EYS: variants seen among roughly 807,000 people sequenced by gnomAD.
The protein encoded by EYS is EGF-like photoreceptor maintenance factor.
In EYS, 250 loss-of-function variants were observed where a neutral mutation model predicts 282.1. The observed-to-expected ratio is 0.89, with a 90% confidence interval of 0.80 to 0.98. The LOEUF (loss-of-function observed/expected upper bound fraction) is 0.98. EYS is among the 50% of genes least tolerant of loss of function. The probability of loss-of-function intolerance (pLI) is 0.00; values close to 1 mark genes in which losing one functional copy is unlikely to be tolerated. For synonymous variants in EYS, 1,355 were observed against 1,282.9 expected (o/e 1.06, Z -1.20); for missense variants, 4,016 against 3,709.0 (o/e 1.08, Z -2.15).
intron 41 of EYS, among the ~76,000 whole-genome samples, chr6:63,759,728 A>C (rs1247623174): frequency 6.6e-6 from 1 of 152,118 alleles, no homozygotes; most frequent in African/African-American, 2.4e-5. Flanking sequence ...GCTGTGTTCC[A>C]CATGGCCAAA....
intron 13 of EYS, among the ~76,000 whole-genome samples, chr6:65,041,252 G>A (rs192929968): frequency 1.3e-5 from 2 of 151,820 alleles, no homozygotes; most frequent in Admixed American, 6.6e-5. Flanking sequence ...TCCTCTGCAA[G>A]CCATAAGTCG....
At chr6:64,650,802 A>G (rs891580854) in intron 22 of EYS, among the ~76,000 whole-genome samples, 3 of 152,152 alleles carry the variant, frequency 2.0e-5, no homozygotes, top group African/African-American at 7.2e-5. Context: ...AACCTAGAGT[A>G]ACCTGATATT....
At chr6:65,356,630 A>T (rs1582180523) in intron 8 of EYS, among the ~76,000 whole-genome samples, 1 of 152,164 alleles carries the variant, frequency 6.6e-6, no homozygotes, top group South Asian at 2.1e-4. Context: ...ATACCCTTCT[A>T]TACTGAATAA....
At chr6:65,512,448 C>A (rs1194483212) in intron 2 of EYS, among the ~76,000 whole-genome samples, 8 of 146,884 alleles carry the variant, frequency 5.4e-5, no homozygotes, top group Non-Finnish European at 8.9e-5. Context: ...AAGATTGAGC[C>A]ACTGCACTCC....
intron 28 of EYS, among the ~76,000 whole-genome samples, chr6:64,431,609 C>G (rs1037700067): frequency 6.6e-6 from 1 of 152,028 alleles, no homozygotes; most frequent in Admixed American, 6.6e-5. Flanking sequence ...AGTGAGTACT[C>G]CTTTGATTAT....
intron 23 of EYS, among the ~76,000 whole-genome samples, chr6:64,620,184 T>C (rs2149851833): frequency 6.6e-6 from 1 of 152,270 alleles, no homozygotes. Flanking sequence ...GGTATGACTT[T>C]CTGGAAGATG....
chr6:64,739,612 T>C (rs1461450589), intron 22 of EYS, among the ~76,000 whole-genome samples: 1 of 152,164 alleles, frequency 6.6e-6, no homozygotes, highest in African/African-American at 2.4e-5. Context: ...CTATTGTTCT[T>C]TGCTAGGTAA....
At chr6:64,287,327 T>C (rs1368422567) in intron 30 of EYS, among the ~76,000 whole-genome samples, 1 of 152,184 alleles carries the variant, frequency 6.6e-6, no homozygotes, top group Non-Finnish European at 1.5e-5. Context: ...TTCACACATA[T>C]AAAGTTTTTA....
At chr6:65,023,572 A>C (rs2150139815) in intron 13 of EYS, among the ~76,000 whole-genome samples, 1 of 152,316 alleles carries the variant, frequency 6.6e-6, no homozygotes, top group Admixed American at 6.5e-5. Flanking sequence ...AGAGGAAAAA[A>C]TTCATAGTTC....
intron 35 of EYS, among the ~76,000 whole-genome samples, chr6:63,945,564 A>C (rs1335356874): frequency 6.6e-6 from 1 of 152,228 alleles, no homozygotes; most frequent in African/African-American, 2.4e-5. Flanking sequence ...CCCTCACCAC[A>C]CATATGCAAA....
At chr6:65,528,693 G>C (rs1211288226) in intron 2 of EYS, among the ~76,000 whole-genome samples, 3 of 152,002 alleles carry the variant, frequency 2.0e-5, no homozygotes, top group Non-Finnish European at 4.4e-5. Context: ...AAATTACCTA[G>C]TCTCGACTAT....
intron 31 of EYS, among the ~76,000 whole-genome samples, chr6:64,112,554 A>G (rs1773239853): frequency 6.6e-6 from 1 of 151,804 alleles, no homozygotes; most frequent in South Asian, 2.1e-4. Flanking sequence ...AATACTTACC[A>G]TTTAATCCTC....
intron 22 of EYS, among the ~76,000 whole-genome samples, chr6:64,645,322 C>T (rs1562109639): frequency 6.6e-6 from 1 of 152,156 alleles, no homozygotes; most frequent in African/African-American, 2.4e-5. Context: ...GGTGCTTAAA[C>T]AACTTAAAGC....
At chr6:64,239,324 A>G (rs78700361) in intron 30 of EYS, among the ~76,000 whole-genome samples, 48,242 of 152,012 alleles carry the variant, frequency 0.32, 7,645 homozygotes, top group East Asian at 0.51. Flanking sequence ...TTGAGGAATC[A>G]CCACACTGTC....
rs563418646 is a variant in EYS at position 64,684,888 on chromosome 6, G to A, written c.3444-58643C>T. ...AGGAAGTAAATTATCAATACCAGAT[G>A]GGATAAATAGAAAATTAATAACATG... On this transcript the variant is annotated intron_variant, in intron 22 of 42. Transcript: ENST00000503581. Among the ~76,000 whole-genome samples the A allele has an allele frequency of 7.9e-5, 12 of 151,806 alleles. 1 individual carries two copies. The South Asian group carries it at 2.1e-3, about 26-fold the overall frequency.
At chr6:65,409,038 T>C (rs1562160430) in intron 5 of EYS, among the ~76,000 whole-genome samples, 1 of 152,214 alleles carries the variant, frequency 6.6e-6, no homozygotes, top group Non-Finnish European at 1.5e-5. Flanking sequence ...CTGTTGTTAA[T>C]TTCTAATTAG....
At chr6:64,312,688 G>C (rs1441846971) in intron 29 of EYS, among the ~76,000 whole-genome samples, 2 of 152,188 alleles carry the variant, frequency 1.3e-5, no homozygotes, top group African/African-American at 2.4e-5. Context: ...GGAAGGAACA[G>C]ACAGAAATCT....
chr6:63,988,655 C>T (rs973359471), intron 34 of EYS, among the ~76,000 whole-genome samples: 1 of 151,488 alleles, frequency 6.6e-6, no homozygotes, highest in Non-Finnish European at 1.5e-5. Context: ...TCTAATAATT[C>T]CTTGTGAATC....
At chr6:65,703,275 G>A (rs1769745572) in intron 1 of EYS, among the ~76,000 whole-genome samples, 1 of 151,970 alleles carries the variant, frequency 6.6e-6, no homozygotes. Context: ...ACTAATGCAT[G>A]CACATATACA....
Sources: allele counts gnomAD v4.1 joint callset (sites outside exome capture counted in the v4.1 genomes callset), GRCh38; gene constraint gnomAD v4.1.1; transcripts MANE v1.5; gene names NCBI Gene and HGNC (gene_info 2026-07-23, HGNC 2026-07-21).